MACROD2: variants seen among roughly 807,000 people sequenced by gnomAD.
The protein encoded by MACROD2 is mono-ADP ribosylhydrolase 2, also known as ADP-ribose glycohydrolase MACROD2.
MACROD2 carries 36 observed loss-of-function variants against 70.4 expected under a neutral mutation model. That is an observed-to-expected ratio of 0.51 (90% CI 0.39 to 0.68). The LOEUF is 0.68. MACROD2 is among the 30% of genes least tolerant of loss of function. The pLI is 0.00. For missense variants in MACROD2, 496 were observed against 538.4 expected (o/e 0.92, Z 0.78); for synonymous variants, 172 against 178.8 (o/e 0.96, Z 0.30).
At chr20:15,535,887 T>C (rs2047867878) in intron 8 of MACROD2, among the ~76,000 whole-genome samples, 2 of 152,136 alleles carry the variant, frequency 1.3e-5, no homozygotes, top group African/African-American at 2.4e-5. Flanking sequence ...ATCTGGAAAT[T>C]TTTCTGGGAA....
chr20:14,575,041 A>AAAAT (rs1175447813), intron 4 of MACROD2, among the ~76,000 whole-genome samples: 1 of 23,862 alleles, frequency 4.2e-5, no homozygotes, highest in African/African-American at 7.5e-5. Context: ...AAAAAAAAAA[A>AAAAT]ATATTCACAA....
intron 5 of MACROD2, among the ~76,000 whole-genome samples, chr20:14,890,147 G>A (rs1281697517): frequency 1.3e-5 from 2 of 152,100 alleles, no homozygotes; most frequent in African/African-American, 4.8e-5. Flanking sequence ...GGAGAATGAA[G>A]AATTTAAGTT....
chr20:14,824,218 C>G (rs1328066555), intron 5 of MACROD2, among the ~76,000 whole-genome samples: 1 of 151,980 alleles, frequency 6.6e-6, no homozygotes, highest in East Asian at 1.9e-4. Flanking sequence ...TATAAAATTC[C>G]AAAGTTCTCA....
rs1363061049 is a variant in MACROD2, at chr20:14,325,499, A to G, written c.272-167980A>G. 7 of 1,531,882 alleles carry G rather than the reference A, an allele frequency of 4.6e-6. No homozygotes were observed. In the Admixed American group the frequency reaches 1.4e-4, roughly 31 times the overall value. The allele number at this position is 1,531,882 out of a possible 1,614,324, so 94.9% of individuals were successfully genotyped here. A position where few individuals can be genotyped will look rare whatever the true frequency, so the allele number is the denominator to read the frequency against. Reference sequence around the variant, plus strand: ...TTTGCAGTAGAACAGGGTTCCTACCATCACCTCCCTTAGGTTTAAAAAACC... The same window carrying G: ...TTTGCAGTAGAACAGGGTTCCTACCGTCACCTCCCTTAGGTTTAAAAAACC... On this transcript the variant is annotated intron_variant, in intron 3 of 17. Transcript: ENST00000684519.
chr20:14,900,720 T>C (rs554424970), intron 5 of MACROD2, among the ~76,000 whole-genome samples: 13 of 152,132 alleles, frequency 8.5e-5, no homozygotes, highest in African/African-American at 2.9e-4. Context: ...AGCTAAAGGT[T>C]TGTCAATTTT....
At position 15,094,298 on chromosome 20, in the gene MACROD2, AT is replaced by A. The variant is rs570654492; in HGVS notation, c.419-135641del. Among the ~76,000 whole-genome samples, 434 of 152,276 alleles carry A rather than the reference AT, an allele frequency of 2.9e-3. 1 individual carries two copies. Among genetic ancestry groups the A allele is most frequent in the African/African-American group, 8.6e-3 (357 of 41,560 alleles). On this transcript the variant is annotated intron_variant, in intron 5 of 17. Coordinates refer to ENST00000684519, the MANE Select transcript of MACROD2 (RefSeq NM_001351661.2). ...GCATAATTTGTAATATAGAAAAAAAATCTTCACATGCTATTTTTTCTTACAA... is the reference window on the plus strand; with the variant it reads ...GCATAATTTGTAATATAGAAAAAAAACTTCACATGCTATTTTTTCTTACAA...
intron 2 of MACROD2, among the ~76,000 whole-genome samples, chr20:14,016,969 A>G (rs558771384): frequency 2.0e-5 from 3 of 152,206 alleles, no homozygotes; most frequent in South Asian, 2.1e-4. Flanking sequence ...TAGAGTTCCA[A>G]TCCATGAACA....
At chr20:15,759,418 T>C (rs931420089) in intron 8 of MACROD2, among the ~76,000 whole-genome samples, 1 of 152,190 alleles carries the variant, frequency 6.6e-6, no homozygotes, top group African/African-American at 2.4e-5. Flanking sequence ...GATAATGACG[T>C]TGGACACCAA....
chr20:14,382,092 C>G (rs1398012950), intron 3 of MACROD2, among the ~76,000 whole-genome samples: 1 of 137,210 alleles, frequency 7.3e-6, no homozygotes, highest in African/African-American at 2.8e-5. Context: ...GATGGAGTCT[C>G]GCTCTGTCGC....
intron 12 of MACROD2, among the ~76,000 whole-genome samples, chr20:15,964,981 T>A (rs73234091): frequency 6.6e-6 from 1 of 152,156 alleles, no homozygotes; most frequent in Non-Finnish European, 1.5e-5. Context: ...TGATATGACA[T>A]CCTTGTCATC....
intron 3 of MACROD2, among the ~76,000 whole-genome samples, chr20:14,105,057 T>A (rs574043747): frequency 6.6e-6 from 1 of 152,298 alleles, no homozygotes; most frequent in African/African-American, 2.4e-5. Context: ...TTCCATGCAC[T>A]TTTACTTTTT....
At position 15,914,038 on chromosome 20, in the gene MACROD2, A is replaced by C. The variant is rs147228656; in HGVS notation, c.776-19238A>C. Among the ~76,000 whole-genome samples, 681 of 152,340 alleles carry C rather than the reference A, an allele frequency of 4.5e-3. 5 individuals carry two copies. The highest frequency in any genetic ancestry group is 0.015 in the African/African-American group (631 of 41,572). ...AATTGAGATAAATCTCATTGTTTAA[A>C]GAGTTCTTTAGGGACTACCAGAGTA... is the stretch of plus-strand genomic sequence containing the variant. On this transcript the variant is annotated intron_variant, in intron 10 of 17. Coordinates refer to ENST00000684519, the MANE Select transcript of MACROD2 (RefSeq NM_001351661.2).
intron 8 of MACROD2, among the ~76,000 whole-genome samples, chr20:15,802,924 G>T (rs1450390526): frequency 6.6e-6 from 1 of 151,998 alleles, no homozygotes; most frequent in Non-Finnish European, 1.5e-5. Context: ...CAGAGGAAAT[G>T]GATACTTTCC....
intron 15 of MACROD2, among the ~76,000 whole-genome samples, chr20:15,988,805 A>G (rs1024391884): frequency 5.3e-5 from 8 of 152,174 alleles, no homozygotes; most frequent in African/African-American, 1.9e-4. Context: ...TCCCATCTTT[A>G]TCATAGATAT....
chr20:14,192,013 A>G (rs1205832198), intron 3 of MACROD2, among the ~76,000 whole-genome samples: 1 of 152,090 alleles, frequency 6.6e-6, no homozygotes, highest in African/African-American at 2.4e-5. Context: ...CAAAGTAAAT[A>G]TTGATTAAGC....
chr20:14,000,662 G>C (rs1289923501), intron 1 of MACROD2, among the ~76,000 whole-genome samples: 1 of 152,210 alleles, frequency 6.6e-6, no homozygotes, highest in African/African-American at 2.4e-5. Context: ...AGAAGCCAGT[G>C]TCAGTTTATA....
chr20:14,742,400 A>G lies in MACROD2; in HGVS notation c.418+57441A>G, dbSNP rs986388086. ...CATATAGCCATTTTTCCATAGTTGTATTTGTGGTGAGTTAGAAAATAGATA... is the reference window on the plus strand; with the variant it reads ...CATATAGCCATTTTTCCATAGTTGTGTTTGTGGTGAGTTAGAAAATAGATA... On this transcript the variant is annotated intron_variant, in intron 5 of 17. Transcript: ENST00000684519. Among the ~76,000 whole-genome samples the G allele has an allele frequency of 2.0e-5, 3 of 151,938 alleles. No homozygotes were observed. The East Asian group carries it at 5.8e-4, about 29-fold the overall frequency.
intron 4 of MACROD2, among the ~76,000 whole-genome samples, chr20:14,524,611 C>T (rs556698558): frequency 2.6e-5 from 4 of 152,170 alleles, no homozygotes; most frequent in African/African-American, 7.2e-5. Context: ...CTACCACTTA[C>T]GTATACATCA....
chr20:15,146,656 A>G (rs1213648012), intron 5 of MACROD2, among the ~76,000 whole-genome samples: 1 of 152,134 alleles, frequency 6.6e-6, no homozygotes, highest in African/African-American at 2.4e-5. Flanking sequence ...TACATTTTCC[A>G]TCTCTTTTCC....
Sources: gnomAD v4.1 joint callset for allele counts (sites outside exome capture counted in the v4.1 genomes callset) on GRCh38, gnomAD v4.1.1 for gene constraint, MANE v1.5 for transcripts, NCBI Gene and HGNC (gene_info 2026-07-23, HGNC 2026-07-21) for gene names.